PTPRT: variants seen among roughly 807,000 people sequenced by gnomAD.
The protein encoded by PTPRT is protein tyrosine phosphatase receptor type T, also known as receptor-type tyrosine-protein phosphatase T.
PTPRT carries 56 observed loss-of-function variants against 176.8 expected under a neutral mutation model. That is an observed-to-expected ratio of 0.32 (90% CI 0.26 to 0.40). The LOEUF is 0.40. Among genes scored for constraint, PTPRT ranks in the 10% least tolerant of loss-of-function variants. The pLI, the probability that PTPRT is intolerant of heterozygous loss-of-function variation, is 1.00. For synonymous variants in PTPRT, 783 were observed against 739.0 expected, an observed-to-expected ratio of 1.06 and a Z score of -0.96; for missense variants, 1,540 against 1,908.2, an observed-to-expected ratio of 0.81 and a Z score of 3.60.
intron 7 of PTPRT, among the ~76,000 whole-genome samples, chr20:42,628,657 C>T (rs1439602865): frequency 6.6e-6 from 1 of 151,884 alleles, no homozygotes; most frequent in African/African-American, 2.4e-5. Flanking sequence ...TTAACAATAC[C>T]CTGGAAGTTA....
rs1374653469 is a variant in PTPRT at position 42,617,524 on chromosome 20, C to T, written c.1153+60342G>A. On this transcript the variant is annotated intron_variant, in intron 7 of 30. Coordinates refer to ENST00000373187, the MANE Select transcript of PTPRT (RefSeq NM_007050.6). ...GCTTCAGAAGGAATGGTACCAGTTC[C>T]TCCTTGTACCTCTGGTAGAATTCAG... Among the ~76,000 whole-genome samples, 13 of 135,484 alleles carry T rather than the reference C, an allele frequency of 9.6e-5. 3 individuals carry two copies. Among genetic ancestry groups the T allele is most frequent in the Non-Finnish European group, 1.4e-4 (9 of 65,184 alleles). 88.9% of individuals were successfully genotyped at this position (135,484 alleles called of 152,430 possible).
At chr20:43,084,775 C>A (rs554215754) in intron 1 of PTPRT, among the ~76,000 whole-genome samples, 3 of 152,012 alleles carry the variant, frequency 2.0e-5, no homozygotes, top group Admixed American at 2.0e-4. Context: ...TATACCATAT[C>A]TTAAGGGAGA....
intron 1 of PTPRT, among the ~76,000 whole-genome samples, chr20:43,107,793 G>C (rs917652650): frequency 6.6e-6 from 1 of 152,176 alleles, no homozygotes; most frequent in African/African-American, 2.4e-5. Context: ...GTGTGAAGAG[G>C]GATGAGGCGA....
At chr20:42,816,362 GT>G (rs1350805999) in intron 2 of PTPRT, among the ~76,000 whole-genome samples, 3 of 152,206 alleles carry the variant, frequency 2.0e-5, no homozygotes, top group Non-Finnish European at 4.4e-5. Flanking sequence ...ACACGGTTTG[GT>G]TTTGCAATGA....
At chr20:42,936,590 G>C (rs1171325423) in intron 1 of PTPRT, among the ~76,000 whole-genome samples, 1 of 152,210 alleles carries the variant, frequency 6.6e-6, no homozygotes, top group East Asian at 1.9e-4. Context: ...TGGGGTGGAA[G>C]ACCAATGTCA....
intron 7 of PTPRT, among the ~76,000 whole-genome samples, chr20:42,479,018 T>C (rs988363549): frequency 3.3e-5 from 5 of 152,194 alleles, no homozygotes; most frequent in Admixed American, 1.3e-4. Context: ...AGGATCTCCT[T>C]ACACTCCAAT....
intron 19 of PTPRT, among the ~76,000 whole-genome samples, chr20:42,128,500 C>T (rs972448880): frequency 1.3e-5 from 2 of 152,070 alleles, no homozygotes; most frequent in Non-Finnish European, 2.9e-5. Context: ...CAGACATATA[C>T]ACAAATGAAT....
rs543157141 is a variant in PTPRT at position 42,387,215 on chromosome 20, C to T, written c.1561-34930G>A. 7.9e-4 allele frequency among the ~76,000 whole-genome samples: 120 copies of T among 152,282 alleles called. 1 individual carries two copies. The South Asian group carries it at 0.01, about 13-fold the overall frequency. ...AAATATCATTCCAATAAAAATGAGG[C>T]CATGTATTCCTGAGTGGTAATACGC... On this transcript the variant is annotated intron_variant, in intron 9 of 30. Transcript: ENST00000373187.
In PTPRT at chr20:42,365,256, C is replaced by T. The variant is rs573187798; in HGVS notation, c.1561-12971G>A. The stretch of plus-strand genomic sequence containing the variant: ...TAGCCACATTTTGAGTGTTTAATAG[C>T]CACTTGTAGCTAGTAGCTAGACCAG... On this transcript the variant is annotated intron_variant, in intron 9 of 30. Transcript: ENST00000373187. 5.6e-4 allele frequency among the ~76,000 whole-genome samples: 85 copies of T among 152,232 alleles called. 1 individual carries two copies. The highest frequency in any genetic ancestry group is 2.0e-3 in the African/African-American group (82 of 41,538).
intron 2 of PTPRT, among the ~76,000 whole-genome samples, chr20:42,874,989 C>A (rs943586238): frequency 1.3e-5 from 2 of 152,122 alleles, no homozygotes; most frequent in Non-Finnish European, 2.9e-5. Context: ...CCCAGACAAC[C>A]CCTTTATTCT....
At chr20:42,284,803 C>T (rs1268654011) in intron 12 of PTPRT, among the ~76,000 whole-genome samples, 1 of 151,838 alleles carries the variant, frequency 6.6e-6, no homozygotes, top group South Asian at 2.1e-4. Context: ...TTAAAACAAA[C>T]AATTATTTCA....
At chr20:42,085,692 G>A (rs1441030303) in intron 28 of PTPRT, 36 bp downstream of exon 28, 2 of 1,612,100 alleles carry the variant, frequency 1.2e-6, no homozygotes, top group Admixed American at 1.7e-5. Flanking sequence ...TCTTGGGGAG[G>A]AGGGGCTCAG....
At chr20:42,926,126 T>C (rs1384625199) in intron 1 of PTPRT, among the ~76,000 whole-genome samples, 2 of 152,206 alleles carry the variant, frequency 1.3e-5, no homozygotes, top group Non-Finnish European at 2.9e-5. Flanking sequence ...GGGTCTGACC[T>C]GCAGAGGGCC....
intron 2 of PTPRT, among the ~76,000 whole-genome samples, chr20:42,865,538 G>C (rs184075): frequency 0.39 from 59,180 of 152,036 alleles, 14,942 homozygotes; most frequent in African/African-American, 0.73. Flanking sequence ...GGAGCTTATA[G>C]TTCATTGAGG....
Position 42,074,590 on chromosome 20 carries a change from A to G in PTPRT, c.*6289T>C, listed in dbSNP as rs574483727. On this transcript the variant is annotated 3_prime_UTR_variant, in exon 31 of 31. Transcript: ENST00000373187. ...GATCAAGCCCCTAAAACTCTTCCCA[A>G]TAGATTTTCTTTCATCCTGAGCCCT... The G allele has an allele frequency of 4.1e-5, 16 of 393,596 alleles. No homozygotes were observed. The highest frequency in any genetic ancestry group is 2.5e-4 in the African/African-American group (12 of 48,614). 24.4% of individuals were successfully genotyped at this position (393,596 alleles called of 1,614,324 possible).
chr20:43,069,039 T>C (rs1283134588), intron 1 of PTPRT, among the ~76,000 whole-genome samples: 2 of 152,206 alleles, frequency 1.3e-5, no homozygotes, highest in Admixed American at 6.5e-5. Flanking sequence ...GATAAATGCA[T>C]GCAGTCTAGA....
intron 17 of PTPRT, among the ~76,000 whole-genome samples, chr20:42,156,898 ACAGTAGCTAGAAGGAAGTAAGGTCAGAT>A: frequency 6.6e-6 from 1 of 152,322 alleles, no homozygotes; most frequent in East Asian, 1.9e-4. Context: ...CATTCTCAAC[ACAGTAGCTAGAAGGAAGTAAGGTCAGAT>A]CATTAGCACT....
chr20:42,085,406 T>A (rs1160722439), intron 28 of PTPRT, among the ~76,000 whole-genome samples: 1 of 152,172 alleles, frequency 6.6e-6, no homozygotes, highest in Non-Finnish European at 1.5e-5. Context: ...GCTTATGGGA[T>A]CCAATCAAAG....
intron 12 of PTPRT, among the ~76,000 whole-genome samples, chr20:42,314,024 C>A (rs967496967): frequency 1.3e-5 from 2 of 152,104 alleles, no homozygotes; most frequent in African/African-American, 2.4e-5. Context: ...CAGAGCCTGC[C>A]CAGGCTGTTC....
Sources: gnomAD v4.1 joint callset for allele counts (sites outside exome capture counted in the v4.1 genomes callset) on GRCh38, gnomAD v4.1.1 for gene constraint, MANE v1.5 for transcripts, NCBI Gene and HGNC (gene_info 2026-07-23, HGNC 2026-07-21) for gene names.